The following C12orf42 variants were observed in gnomAD, a reference collection of about 807,000 sequenced individuals.
C12orf42 encodes the protein uncharacterized protein C12orf42.
In C12orf42, 25 loss-of-function variants were observed where a neutral mutation model predicts 21.6. The observed-to-expected ratio is 1.16, with a 90% confidence interval of 0.84 to 1.62. The LOEUF is 1.62. C12orf42 is among the 40% of genes most tolerant of loss of function. C12orf42 has a pLI of 0.00. For synonymous variants in C12orf42, 174 were observed against 175.0 expected (o/e 0.99, Z 0.05); for missense variants, 483 against 459.3 (o/e 1.05, Z -0.47).
At chr12:103,525,089 C>T in the C12orf42 span, among the ~76,000 whole-genome samples, 1 of 152,180 alleles carries the variant, frequency 6.6e-6, no homozygotes, top group Admixed American at 6.5e-5. Flanking sequence ...ACAATCTCGG[C>T]TCACTGCAGC....
intron 10 of C12orf42, among the ~76,000 whole-genome samples, chr12:103,254,001 TTTGCTTTTGTTGCAG>T (rs2034435737): frequency 6.6e-6 from 1 of 152,174 alleles, no homozygotes; most frequent in South Asian, 2.1e-4. Flanking sequence ...TTTGTCAATT[TTTGCTTTTGTTGCAG>T]TTGCTTTTGG....
chr12:103,558,814 C>T, the C12orf42 span: 1 of 152,116 alleles, frequency 6.6e-6, no homozygotes, highest in African/African-American at 2.4e-5. Context: ...TGATGTTAAA[C>T]AAATAATAAC....
intron 10 of C12orf42, among the ~76,000 whole-genome samples, chr12:103,254,800 C>T (rs2034476205): frequency 6.6e-6 from 1 of 152,098 alleles, no homozygotes; most frequent in South Asian, 2.1e-4. Flanking sequence ...GGAAAAATAG[C>T]TAACGCATTC....
chr12:103,346,607 T>C (rs1330017769), intron 4 of C12orf42, among the ~76,000 whole-genome samples: 1 of 152,146 alleles, frequency 6.6e-6, no homozygotes, highest in Non-Finnish European at 1.5e-5. Context: ...AGAGAAAAGT[T>C]GTTACTCCTC....
the C12orf42 span, among the ~76,000 whole-genome samples, chr12:103,520,771 T>C: frequency 6.6e-6 from 1 of 152,222 alleles, no homozygotes; most frequent in Non-Finnish European, 1.5e-5. Context: ...AAAATGGAAC[T>C]GTGAAGACTT....
chr12:103,397,629 A>G (rs2047647373), intron 3 of C12orf42: 1 of 152,222 alleles, frequency 6.6e-6, no homozygotes, highest in South Asian at 2.1e-4. Context: ...CCAATTCCTG[A>G]TGGCAAAAAT....
the C12orf42 span, among the ~76,000 whole-genome samples, chr12:103,513,585 C>A: frequency 6.6e-6 from 1 of 152,316 alleles, no homozygotes; most frequent in African/African-American, 2.4e-5. Flanking sequence ...CTTTCACTCT[C>A]AGATTAGAAA....
intron 10 of C12orf42, among the ~76,000 whole-genome samples, chr12:103,260,956 C>A (rs866700834): frequency 9.2e-5 from 14 of 152,000 alleles, no homozygotes; most frequent in Non-Finnish European, 1.6e-4. Context: ...TTATTTTTTT[C>A]TGATATTTTT....
intron 4 of C12orf42, among the ~76,000 whole-genome samples, chr12:103,366,482 A>G (rs1015243661): frequency 6.6e-5 from 10 of 152,184 alleles, no homozygotes; most frequent in African/African-American, 2.4e-4. Flanking sequence ...ATTAAACTAA[A>G]GAGCTTTTGC....
At chr12:103,147,980 T>C in the C12orf42 span, among the ~76,000 whole-genome samples, 173 of 152,308 alleles carry the variant, frequency 1.1e-3, no homozygotes, top group Non-Finnish European at 2.0e-3. Flanking sequence ...TAAATGTTGG[T>C]AGCATCCCCT....
chr12:103,487,764 A>G (rs984077838), intron 1 of C12orf42, among the ~76,000 whole-genome samples: 8 of 152,112 alleles, frequency 5.3e-5, no homozygotes, highest in African/African-American at 1.9e-4. Flanking sequence ...TTTATTCAAG[A>G]CTAGGCTTGC....
the C12orf42 span, chr12:103,161,294 CT>C: frequency 6.6e-6 from 1 of 152,002 alleles, no homozygotes; most frequent in African/African-American, 2.4e-5. Context: ...AAAAAGTGTC[CT>C]TTTAAAGTAA....
intron 2 of C12orf42, among the ~76,000 whole-genome samples, chr12:103,414,491 C>T (rs1593897758): frequency 6.6e-6 from 1 of 152,140 alleles, no homozygotes; most frequent in East Asian, 1.9e-4. Flanking sequence ...GTAGTATGGC[C>T]ATGTTTATTA....
At chr12:103,056,175 C>A in the C12orf42 span, among the ~76,000 whole-genome samples, 1 of 151,936 alleles carries the variant, frequency 6.6e-6, no homozygotes, top group Non-Finnish European at 1.5e-5. Flanking sequence ...TATATTTTTC[C>A]TTTTACTTTT....
intron 4 of C12orf42, among the ~76,000 whole-genome samples, chr12:103,345,425 T>A (rs1384904374): frequency 6.6e-6 from 1 of 152,190 alleles, no homozygotes; most frequent in Non-Finnish European, 1.5e-5. Context: ...TTGATGATGA[T>A]GTGCTCATCA....
intron 2 of C12orf42, among the ~76,000 whole-genome samples, chr12:103,447,428 G>T (rs189650065): frequency 6.6e-6 from 1 of 152,032 alleles, no homozygotes; most frequent in African/African-American, 2.4e-5. Context: ...CATAGTACTA[G>T]AAGTCCTAGC....
the C12orf42 span, chr12:103,505,988 G>A: frequency 5.5e-6 from 1 of 183,118 alleles, no homozygotes; most frequent in Non-Finnish European, 1.1e-5. Context: ...GGATACCTCA[G>A]ACCGGATGCA....
At chr12:103,271,009 A>G (rs1191252251) in intron 5 of C12orf42, among the ~76,000 whole-genome samples, 1 of 152,146 alleles carries the variant, frequency 6.6e-6, no homozygotes, top group Non-Finnish European at 1.5e-5. Flanking sequence ...AGAAATGTGA[A>G]TTATATGATT....
the C12orf42 span, among the ~76,000 whole-genome samples, chr12:103,210,186 ATTC>A: frequency 2.6e-5 from 4 of 152,100 alleles, no homozygotes; most frequent in Admixed American, 2.0e-4. Context: ...CCAAATTATA[ATTC>A]TATCACAATT....
Sources: gnomAD v4.1 joint callset for allele counts (sites outside exome capture counted in the v4.1 genomes callset) on GRCh38, gnomAD v4.1.1 for gene constraint, MANE v1.5 for transcripts, NCBI Gene and HGNC (gene_info 2026-07-23, HGNC 2026-07-21) for gene names.